Variants in GALNTL6 observed in about 807,000 individuals in gnomAD.
GALNTL6 encodes polypeptide N-acetylgalactosaminyltransferase like 6.
Under a neutral mutation model 73.7 loss-of-function variants are expected in GALNTL6, and 46 were observed. The observed-to-expected ratio is 0.62, with a 90% CI of 0.49 to 0.80. GALNTL6 has a LOEUF of 0.80. Ranked by LOEUF, GALNTL6 falls within the 30% of genes least tolerant of loss-of-function variation. GALNTL6 has a pLI of 0.00. For synonymous variants in GALNTL6, 259 were observed against 263.7 expected (o/e 0.98, Z 0.17); for missense variants, 604 against 755.0 (o/e 0.80, Z 2.34).
At position 172,163,571 on chromosome 4, in the gene GALNTL6, A is replaced by G. The variant is rs181924310; in HGVS notation, c.139-66085A>G. Among the ~76,000 whole-genome samples, 4 of 152,116 alleles carry G rather than the reference A, an allele frequency of 2.6e-5. No individual in the cohort carries two copies. The East Asian group carries it at 7.7e-4, about 29-fold the overall frequency. On this transcript the variant is annotated intron_variant, in intron 2 of 12. Transcript: ENST00000506823. ...GTAACCTAAAGTTTCTTATTTCCCT[A>G]CAAGTCTTCAACACTTTGCATATTA...
rs1271615827 is a variant in GALNTL6 at position 172,257,051 on chromosome 4, A to G, written c.247+27287A>G. On this transcript the variant is annotated intron_variant, in intron 3 of 12. Coordinates refer to ENST00000506823, the MANE Select transcript of GALNTL6 (RefSeq NM_001034845.3). ...ATGACGTCAGCATAATGCAAAAGTC[A>G]TGTCTGTCTGTTCACATTTTTTTCC... Among the ~76,000 whole-genome samples, 6 of 151,372 alleles carry G rather than the reference A, an allele frequency of 4.0e-5. No individual in the cohort carries two copies. The Admixed American group carries it at 4.0e-4, about 10-fold the overall frequency.
chr4:171,929,268 C>T (rs1738094404), intron 2 of GALNTL6, among the ~76,000 whole-genome samples: 1 of 152,120 alleles, frequency 6.6e-6, no homozygotes, highest in African/African-American at 2.4e-5. Context: ...GATGGGATCT[C>T]TCTGTATTGC....
At chr4:172,808,050 C>G (rs1043332304) in intron 5 of GALNTL6, among the ~76,000 whole-genome samples, 3 of 151,992 alleles carry the variant, frequency 2.0e-5, no homozygotes, top group Non-Finnish European at 4.4e-5. Context: ...CTTGAACTCC[C>G]GAAATCAGGT....
At chr4:172,566,804 A>G (rs1040047388) in intron 5 of GALNTL6, among the ~76,000 whole-genome samples, 1 of 152,090 alleles carries the variant, frequency 6.6e-6, no homozygotes, top group Admixed American at 6.5e-5. Context: ...AAAAAGATTC[A>G]AATAAAATCG....
At chr4:172,709,755 T>C (rs892755717) in intron 5 of GALNTL6, among the ~76,000 whole-genome samples, 4 of 152,118 alleles carry the variant, frequency 2.6e-5, no homozygotes, top group African/African-American at 9.7e-5. Flanking sequence ...TCAGGATGAA[T>C]TACAAAGTTA....
At position 173,034,847 on chromosome 4, in the gene GALNTL6, C is replaced by A. The variant is rs146122652; in HGVS notation, c.1639-5086C>A. 5.2e-3 allele frequency among the ~76,000 whole-genome samples: 787 copies of A among 152,296 alleles called. 6 individuals are homozygous for A. The highest frequency in any genetic ancestry group is 0.018 in the African/African-American group (733 of 41,570). On this transcript the variant is annotated intron_variant, in intron 12 of 12. Transcript: ENST00000506823. The stretch of plus-strand genomic sequence containing the variant: ...CCCCACTGCCCCAACCTCACCCCTA[C>A]CTCTGGAAAAGAAGCTCCAGGAGGG...
chr4:172,596,584 A>G (rs1737865615), intron 5 of GALNTL6, among the ~76,000 whole-genome samples: 1 of 152,186 alleles, frequency 6.6e-6, no homozygotes, highest in Non-Finnish European at 1.5e-5. Flanking sequence ...ATGAATAATC[A>G]TTGAAGACTC....
At chr4:172,670,772 T>G (rs1320649731) in intron 5 of GALNTL6, among the ~76,000 whole-genome samples, 1 of 152,238 alleles carries the variant, frequency 6.6e-6, no homozygotes, top group Non-Finnish European at 1.5e-5. Flanking sequence ...TCCAGGGTTT[T>G]TATAGTTTTG....
At chr4:172,355,097 T>C (rs1048411938) in intron 5 of GALNTL6, among the ~76,000 whole-genome samples, 1 of 152,024 alleles carries the variant, frequency 6.6e-6, no homozygotes, top group Non-Finnish European at 1.5e-5. Flanking sequence ...TATTTTTTCT[T>C]AATAAATTGC....
chr4:172,572,193 A>T (rs1305833909), intron 5 of GALNTL6, among the ~76,000 whole-genome samples: 1 of 152,152 alleles, frequency 6.6e-6, no homozygotes, highest in Non-Finnish European at 1.5e-5. Flanking sequence ...TGCGGACTGC[A>T]GTCACAGTTC....
chr4:172,612,137 T>A (rs1738548001), intron 5 of GALNTL6, among the ~76,000 whole-genome samples: 1 of 152,096 alleles, frequency 6.6e-6, no homozygotes, highest in East Asian at 1.9e-4. Context: ...TAGTCTCTCA[T>A]GAATGATGGT....
rs184699355 is a variant in GALNTL6, at chr4:172,952,211, C to A, written c.1324C>A (p.Pro442Thr). 4.1e-4 allele frequency: 655 copies of A among 1,614,004 alleles called. 2 individuals carry two copies. The East Asian group carries it at 8.1e-3, about 20-fold the overall frequency. ...CATGGCTGCTGTGGCCTGGGACGTG[C>A]CTAAATACTACCCTCCAGTGGAGCC... ...WFMAAVAWDV[P>T]KYYPPVEPPP... The change falls in exon 10 of 13, where the codon CCT becomes ACT. Residue 442 changes from proline to threonine, a missense_variant. By Grantham distance (38) the Pro-to-Thr change is conservative. Coordinates refer to ENST00000506823, the MANE Select transcript of GALNTL6 (RefSeq NM_001034845.3).
At chr4:172,401,875 G>A (rs335997) in intron 5 of GALNTL6, among the ~76,000 whole-genome samples, 132,673 of 148,220 alleles carry the variant, frequency 0.9, 59,400 homozygotes, top group African/African-American at 0.93. Flanking sequence ...CACTAGCATT[G>A]TGCCTTCCCT....
chr4:172,662,855 CAG>C (rs1347120315), intron 5 of GALNTL6, among the ~76,000 whole-genome samples: 9 of 152,128 alleles, frequency 5.9e-5, no homozygotes, highest in Non-Finnish European at 1.0e-4. Context: ...AGAGATTAGA[CAG>C]GGGATGATAA....
chr4:172,774,853 G>T (rs148473148), intron 5 of GALNTL6, among the ~76,000 whole-genome samples: 6,720 of 151,940 alleles, frequency 0.044, 261 homozygotes, highest in African/African-American at 0.1. Context: ...CCAGCTACTC[G>T]GGAGGCTGAG....
At chr4:172,984,012 C>CA in intron 10 of GALNTL6, among the ~76,000 whole-genome samples, 1 of 151,718 alleles carries the variant, frequency 6.6e-6, no homozygotes, top group South Asian at 2.1e-4. Flanking sequence ...TTCTGCATTC[C>CA]AAAAAATAAG....
chr4:172,487,543 C>T (rs1579120225), intron 5 of GALNTL6, among the ~76,000 whole-genome samples: 1 of 151,896 alleles, frequency 6.6e-6, no homozygotes, highest in African/African-American at 2.4e-5. Flanking sequence ...TGGGCCACCA[C>T]ATCTAGCTAA....
chr4:172,155,001 C>CT (rs200223937), intron 2 of GALNTL6, among the ~76,000 whole-genome samples: 18,357 of 143,900 alleles, frequency 0.13, 1,216 homozygotes, highest in East Asian at 0.31. Context: ...AAATCGTATC[C>CT]TTTTTTTTTT....
intron 3 of GALNTL6, among the ~76,000 whole-genome samples, chr4:172,299,418 T>A (rs1303002283): frequency 6.6e-6 from 1 of 152,228 alleles, no homozygotes; most frequent in East Asian, 1.9e-4. Flanking sequence ...AGCTTTTGAA[T>A]GTGTTTGCTC....
Sources: gnomAD v4.1 joint callset for allele counts (sites outside exome capture counted in the v4.1 genomes callset) on GRCh38, gnomAD v4.1.1 for gene constraint, MANE v1.5 for transcripts, NCBI Gene and HGNC (gene_info 2026-07-23, HGNC 2026-07-21) for gene names.